The following PARP1 variants were observed in gnomAD, a reference collection of about 807,000 sequenced individuals.
PARP1 encodes the protein poly [ADP-ribose] polymerase 1.
Under a neutral mutation model 118.7 loss-of-function variants are expected in PARP1, and 44 were observed. That is an observed-to-expected ratio of 0.37 (90% CI 0.29 to 0.48). The LOEUF is 0.48. PARP1 is among the 20% of genes least tolerant of loss of function. The pLI is 0.99. For missense variants in PARP1, 1,100 were observed against 1,272.4 expected (o/e 0.86, Z 2.06); for synonymous variants, 492 against 483.2 (o/e 1.02, Z -0.24).
chr1:226,385,109 A>G (rs1664690649), intron 7 of PARP1, among the ~76,000 whole-genome samples: 1 of 152,216 alleles, frequency 6.6e-6, no homozygotes, highest in Non-Finnish European at 1.5e-5. Context: ...CCCTGGATCC[A>G]ATTCTCCTGC....
At chr1:226,400,742 AAC>A (rs2102746358) in intron 2 of PARP1, among the ~76,000 whole-genome samples, 1 of 152,348 alleles carries the variant, frequency 6.6e-6, no homozygotes, top group East Asian at 1.9e-4. Context: ...AGAGGCCAGG[AAC>A]ACAGTCTGGA....
At chr1:226,370,702 G>T in intron 14 of PARP1, 185 bp from the exon 15 acceptor site, 2 of 654,628 alleles carry the variant, frequency 3.1e-6, no homozygotes, top group Non-Finnish European at 5.6e-6. Context: ...AGGGATGGCA[G>T]TGTGTCTGAA....
rs781300170 is a variant in PARP1, at chr1:226,361,076, A to T, written c.*384T>A. On this transcript the variant is annotated 3_prime_UTR_variant, in exon 23 of 23. Transcript: ENST00000366794. ...CTTTCCAAAATCAAAACTAAAGACG[A>T]ACACTTAGAAAAAAGGGTGGAAGTG... The T allele has an allele frequency of 4.2e-5, 11 of 263,770 alleles. No individual in the cohort carries two copies. Among genetic ancestry groups the T allele is most frequent in the Non-Finnish European group, 8.0e-5 (11 of 136,692 alleles). The allele number at this position is 263,770 out of a possible 1,614,324, so 16.3% of individuals were successfully genotyped here. A position where few individuals can be genotyped will look rare whatever the true frequency, so the allele number is the denominator to read the frequency against.
At chr1:226,397,296 A>C (rs1284329782) in intron 2 of PARP1, among the ~76,000 whole-genome samples, 1 of 152,126 alleles carries the variant, frequency 6.6e-6, no homozygotes, top group African/African-American at 2.4e-5. Context: ...ATTCCAGCCT[A>C]GGCAACAGAA....
At chr1:226,385,089 G>C (rs1425735719) in intron 7 of PARP1, among the ~76,000 whole-genome samples, 2 of 152,164 alleles carry the variant, frequency 1.3e-5, no homozygotes, top group African/African-American at 4.8e-5. Flanking sequence ...GATACTAGGA[G>C]ATACGTGAAC....
At position 226,377,214 on chromosome 1, in the gene PARP1, T is replaced by A. The variant is rs777826990; in HGVS notation, c.1835A>T (p.Glu612Val). ...TTCTTCATATAATTTCATGAAGTGC[T>A]CAATGGCATCCTCCTTGGACGGCAT... Reference protein sequence around the residue: ...EQMPSKEDAIEHFMKLYEEKT... With the variant: ...EQMPSKEDAIVHFMKLYEEKT... Residue 612 changes from glutamate (E) to valine (V), a missense_variant, in exon 13 of 23, where the codon GAG (glutamate) becomes GTG (valine). Around this residue, in one of 2 missense-constraint regions of PARP1, gnomAD observed 948 missense variants for 1,031.8 expected, o/e 0.92. Coordinates refer to ENST00000366794, the MANE Select transcript of PARP1 (RefSeq NM_001618.4). 6.2e-7 allele frequency: 1 copy of A among 1,614,042 alleles called. No homozygotes were observed.
At chr1:226,402,145 T>C (rs1000032633) in intron 2 of PARP1, 69 bp downstream of exon 2, 1 of 1,613,814 alleles carries the variant, frequency 6.2e-7, no homozygotes, top group South Asian at 1.1e-5. Context: ...CTTTGCTCTC[T>C]GAGACGAGGC....
At chr1:226,378,885 A>C (rs1442173795) in intron 12 of PARP1, among the ~76,000 whole-genome samples, 1 of 152,214 alleles carries the variant, frequency 6.6e-6, no homozygotes, top group African/African-American at 2.4e-5. Flanking sequence ...AACACCAAAC[A>C]AAAAGAAAAG....
At position 226,379,273 on chromosome 1, in the gene PARP1, T is replaced by C; in HGVS notation, c.1614A>G (p.Gly538=). 6.2e-7 allele frequency: 1 copy of C among 1,614,234 alleles called. No homozygotes were observed. Among genetic ancestry groups the C allele is most frequent in the Non-Finnish European group, 8.5e-7 (1 of 1,180,040 alleles). The change falls in exon 12 of 23, where the codon GGA becomes GGG. Residue 538 remains glycine (G), a splice_region_variant and synonymous_variant. Transcript: ENST00000366794. The part of the protein sequence containing the change: ...KGGAAVDPDS[G]LEHSAHVLEK... The stretch of plus-strand genomic sequence containing the variant: ...CCAGGACATGCGCAGAGTGTTCCAG[T>C]CCTGTCCCAGAGGAAAAGCACCTAC...
At chr1:226,395,606 C>T (rs1205354358) in intron 2 of PARP1, among the ~76,000 whole-genome samples, 2 of 152,080 alleles carry the variant, frequency 1.3e-5, no homozygotes, top group South Asian at 4.1e-4. Context: ...GATTGCACCA[C>T]TGCACTCCAG....
intron 2 of PARP1, chr1:226,401,928 T>G: frequency 7.1e-7 from 1 of 1,414,530 alleles, no homozygotes; most frequent in Non-Finnish European, 9.2e-7. Context: ...TGGAAACTCT[T>G]TGTTCTTTGC....
intron 2 of PARP1, among the ~76,000 whole-genome samples, chr1:226,394,963 T>C (rs147514899): frequency 2.8e-4 from 43 of 152,314 alleles, no homozygotes; most frequent in African/African-American, 9.6e-4. Flanking sequence ...AAAACCTCAC[T>C]AAATGACTAC....
chr1:226,404,519 GC>G (rs1437499730), intron 1 of PARP1, among the ~76,000 whole-genome samples: 1 of 152,218 alleles, frequency 6.6e-6, no homozygotes, highest in African/African-American at 2.4e-5. Flanking sequence ...CAGACCTGCT[GC>G]CCTTTGGTCT....
At chr1:226,388,789 A>C in intron 4 of PARP1, 34 bp from the exon 5 acceptor site, 1 of 1,528,874 alleles carries the variant, frequency 6.5e-7, no homozygotes, top group African/African-American at 1.4e-5. Flanking sequence ...AGACAGCCAG[A>C]GCCATTAAAA....
At chr1:226,397,286 A>G (rs968510476) in intron 2 of PARP1, among the ~76,000 whole-genome samples, 1 of 152,190 alleles carries the variant, frequency 6.6e-6, no homozygotes, top group African/African-American at 2.4e-5. Context: ...ATGCCGGTAC[A>G]TTCCAGCCTA....
In PARP1 at chr1:226,374,361, G is replaced by GA. The variant is rs746016314; in HGVS notation, c.1942-8dup. The GA allele has an allele frequency of 1.7e-4, 272 of 1,613,934 alleles. No homozygotes were observed. The highest frequency in any genetic ancestry group is 2.2e-4 in the Non-Finnish European group (263 of 1,180,018). On this transcript the variant is annotated splice_polypyrimidine_tract_variant and splice_region_variant and intron_variant, in intron 13 of 22. Transcript: ENST00000366794. The stretch of plus-strand genomic sequence containing the variant: ...TCTTCACTGCCTCTTCATCCTTCAG[G>GA]AAAAAAGCACATTGCTAAGAGACCC...
In PARP1 at chr1:226,392,266, T is replaced by C. The variant is rs1664834732; in HGVS notation, c.335A>G (p.Asp112Gly). The change falls in exon 3 of 23, where the codon GAC becomes GGC. Residue 112 changes from aspartate to glycine, a missense_variant. By Grantham distance (94) the Asp-to-Gly change is moderately conservative. Coordinates refer to ENST00000366794, the MANE Select transcript of PARP1 (RefSeq NM_001618.4). ...IGSKAEKTLG[D>G]FAAEYAKSNR... The stretch of plus-strand genomic sequence containing the variant: ...GGACTTGGCATACTCTGCTGCAAAG[T>C]CACCCAGAGTCTTCTCTGCCTTGCT... 6.2e-7 allele frequency: 1 copy of C among 1,614,166 alleles called. No homozygotes were observed. The highest frequency in any genetic ancestry group is 8.5e-7 in the Non-Finnish European group (1 of 1,180,016).
At chr1:226,401,520 G>A (rs560529711) in intron 2 of PARP1, among the ~76,000 whole-genome samples, 12 of 152,362 alleles carry the variant, frequency 7.9e-5, no homozygotes, top group African/African-American at 2.9e-4. Flanking sequence ...GGTAACTTCC[G>A]GGTATTGCCA....
intron 2 of PARP1, among the ~76,000 whole-genome samples, chr1:226,396,244 G>T (rs1199718942): frequency 6.6e-6 from 1 of 152,074 alleles, no homozygotes; most frequent in Non-Finnish European, 1.5e-5. Flanking sequence ...TACTTGGGAG[G>T]CTGAGGCAGA....
Sources: gnomAD v4.1 joint callset for allele counts (sites outside exome capture counted in the v4.1 genomes callset) on GRCh38, gnomAD v4.1.1 for gene constraint, gnomAD v4.1.1 regional missense constraint, MANE v1.5 for transcripts, NCBI Gene and HGNC (gene_info 2026-07-23, HGNC 2026-07-21) for gene names.